Variants in MYH15 observed in about 807,000 individuals in gnomAD.
MYH15 encodes the protein myosin heavy chain 15.
MYH15 carries 227 observed loss-of-function variants against 240.5 expected under a neutral mutation model. The ratio of observed to expected loss-of-function variants is 0.94; its 90% CI spans 0.85 to 1.05. The LOEUF (loss-of-function observed/expected upper bound fraction) is 1.05, where lower values mean the gene tolerates loss of function less well. Among genes scored for constraint, MYH15 ranks in the 50% least tolerant of loss-of-function variants. The probability of loss-of-function intolerance (pLI) is 0.00; values close to 1 mark genes in which losing one functional copy is unlikely to be tolerated. For missense variants in MYH15, 2,217 were observed against 2,247.5 expected (o/e 0.99, Z 0.27); for synonymous variants, 785 against 796.7 (o/e 0.99, Z 0.25).
chr3:108,511,376 G>A (rs2083521659), upstream of MYH15, among the ~76,000 whole-genome samples: 1 of 152,136 alleles, frequency 6.6e-6, no homozygotes, highest in Admixed American at 6.6e-5. Context: ...CAGGTTACAT[G>A]GTGATGTGAG....
At chr3:108,397,541 C>T (rs554716287) in intron 35 of MYH15, among the ~76,000 whole-genome samples, 4 of 152,304 alleles carry the variant, frequency 2.6e-5, no homozygotes, top group African/African-American at 9.6e-5. Flanking sequence ...ACAGTGGAGA[C>T]ATTCTGTGTC....
At chr3:108,525,763 A>G (rs2083661668) in intron 1 of MYH15, among the ~76,000 whole-genome samples, 1 of 152,114 alleles carries the variant, frequency 6.6e-6, no homozygotes, top group Non-Finnish European at 1.5e-5. Context: ...CATGACTTAT[A>G]ATGTGGGTTG....
At chr3:108,492,464 T>C (rs1328601926) in intron 9 of MYH15, 36 bp downstream of exon 9, 12 of 1,475,214 alleles carry the variant, frequency 8.1e-6, no homozygotes, top group Admixed American at 1.9e-5. Context: ...TTTTCTTGTT[T>C]TGGAATAACC....
Position 108,405,323 on chromosome 3 carries a change from A to C in MYH15, c.4736+15T>G. ...GAAATACATAATTGTTACACATCAAAATCATCTTAAATACCTAAAATTTTC... is the reference window on the plus strand; with the variant it reads ...GAAATACATAATTGTTACACATCAACATCATCTTAAATACCTAAAATTTTC... On this transcript the variant is annotated intron_variant, in intron 33 of 40. Coordinates refer to ENST00000693548, the MANE Select transcript of MYH15 (RefSeq NM_014981.3). The C allele has an allele frequency of 7.0e-7, 1 of 1,420,956 alleles. No homozygotes were observed. The highest frequency in any genetic ancestry group is 9.6e-7 in the Non-Finnish European group (1 of 1,044,874). The allele number at this position is 1,420,956 out of a possible 1,614,324, so 88.0% of individuals were successfully genotyped here.
At chr3:108,400,744 G>C (rs970766374) in intron 33 of MYH15, among the ~76,000 whole-genome samples, 9 of 152,278 alleles carry the variant, frequency 5.9e-5, no homozygotes, top group South Asian at 2.1e-4. Flanking sequence ...AGAAGGCAGA[G>C]GTTGCAGTGA....
chr3:108,539,865 T>G, the MYH15 span, among the ~76,000 whole-genome samples: 1 of 152,160 alleles, frequency 6.6e-6, no homozygotes, highest in Non-Finnish European at 1.5e-5. Flanking sequence ...TCAGTTCTAC[T>G]AAGTCTTTAA....
intron 40 of MYH15, among the ~76,000 whole-genome samples, chr3:108,383,353 TG>T (rs1333141015): frequency 6.6e-6 from 1 of 152,158 alleles, no homozygotes; most frequent in Non-Finnish European, 1.5e-5. Flanking sequence ...CAAGTTAACA[TG>T]GAAGTAAGCA....
At chr3:108,386,857 T>C (rs192670671) in intron 38 of MYH15, among the ~76,000 whole-genome samples, 36 of 152,226 alleles carry the variant, frequency 2.4e-4, no homozygotes, top group Non-Finnish European at 4.0e-4. Context: ...TCTATACAGA[T>C]TCCTGGATGT....
At chr3:108,389,161 CA>C (rs1157109916) in intron 37 of MYH15, 87 bp from the exon 38 acceptor site, 1 of 1,199,712 alleles carries the variant, frequency 8.3e-7, no homozygotes, top group African/African-American at 1.5e-5. Context: ...TGAAAGACAG[CA>C]AAGTGTCAAG....
At chr3:108,456,083 T>G (rs2083017215) in intron 19 of MYH15, among the ~76,000 whole-genome samples, 1 of 152,124 alleles carries the variant, frequency 6.6e-6, no homozygotes, top group African/African-American at 2.4e-5. Flanking sequence ...GCAACCTCAT[T>G]TGATTGATTG....
rs376757749 is a variant in MYH15 at position 108,473,193 on chromosome 3, G to T, written c.1234-2346C>A. ...CGGCTAATTTTTTGTATTTTTAGTA[G>T]AGACAAGGTTTCACCATGTTGGCCA... On this transcript the variant is annotated intron_variant, in intron 12 of 40. Coordinates refer to ENST00000693548, the MANE Select transcript of MYH15 (RefSeq NM_014981.3). Among the ~76,000 whole-genome samples the T allele has an allele frequency of 5.3e-5, 8 of 152,200 alleles. No homozygotes were observed. In the South Asian group the frequency reaches 1.7e-3, roughly 32 times the overall value.
chr3:108,413,704 G>T (rs1360975482), intron 30 of MYH15, among the ~76,000 whole-genome samples: 1 of 152,142 alleles, frequency 6.6e-6, no homozygotes, highest in African/African-American at 2.4e-5. Context: ...CTTAGGGGTG[G>T]CCTGGGGATG....
rs568727845 is a variant in MYH15, at chr3:108,385,786, TC to T, written c.5536-1005del. Among the ~76,000 whole-genome samples the T allele has an allele frequency of 1.2e-3, 184 of 149,560 alleles. 1 individual carries two copies. Among genetic ancestry groups the T allele is most frequent in the African/African-American group, 4.5e-3 (182 of 40,592 alleles). ...AATGTTCCCCCTACTTACCTTCCAT[TC>T]CCCCCACCACCACGAACCCACTCCA... On this transcript the variant is annotated intron_variant, in intron 38 of 40. Transcript: ENST00000693548.
intron 16 of MYH15, chr3:108,461,755 T>C (rs1410921043): frequency 1.3e-5 from 2 of 152,202 alleles, no homozygotes; most frequent in Non-Finnish European, 2.9e-5. Context: ...CCATCTCTTC[T>C]TGAGGCAGGC....
chr3:108,486,926 A>G (rs1193947309), intron 9 of MYH15, among the ~76,000 whole-genome samples: 3 of 152,234 alleles, frequency 2.0e-5, no homozygotes, highest in African/African-American at 7.2e-5. Context: ...GTAAAATTAT[A>G]AGTAGAACAG....
At chr3:108,462,779 T>TTA (rs1008637623) in intron 16 of MYH15, among the ~76,000 whole-genome samples, 10 of 151,870 alleles carry the variant, frequency 6.6e-5, no homozygotes, top group Admixed American at 1.3e-4. Flanking sequence ...ATAACTATAA[T>TTA]TATATATATA....
chr3:108,434,190 GTT>G (rs5851590), intron 25 of MYH15, among the ~76,000 whole-genome samples: 11 of 130,982 alleles, frequency 8.4e-5, no homozygotes, highest in Middle Eastern at 3.9e-3. Context: ...ATTGAGAATG[GTT>G]TTTTTTTTTT....
chr3:108,463,496 T>A (rs1179905894), intron 15 of MYH15, among the ~76,000 whole-genome samples: 1 of 152,002 alleles, frequency 6.6e-6, no homozygotes, highest in Non-Finnish European at 1.5e-5. Context: ...TTTTGTATTT[T>A]TATTTATTTT....
intron 33 of MYH15, 123 bp downstream of exon 33, chr3:108,405,215 T>A: frequency 2.2e-6 from 1 of 459,138 alleles, no homozygotes; most frequent in Non-Finnish European, 4.0e-6. Context: ...TAATATAGAG[T>A]TACACTAAGT....
Sources: gnomAD v4.1 joint callset for allele counts (sites outside exome capture counted in the v4.1 genomes callset) on GRCh38, gnomAD v4.1.1 for gene constraint, MANE v1.5 for transcripts, NCBI Gene and HGNC (gene_info 2026-07-23, HGNC 2026-07-21) for gene names.